The following EVPLL variants were observed in gnomAD, a reference collection of about 807,000 sequenced individuals.
The protein encoded by EVPLL is envoplakin like, also known as envoplakin-like protein.
Under a neutral mutation model 46.2 loss-of-function variants are expected in EVPLL, and 39 were observed. The observed-to-expected ratio is 0.84, with a 90% confidence interval of 0.65 to 1.10. The LOEUF is 1.10. EVPLL is among the 50% of genes least tolerant of loss of function. The probability of loss-of-function intolerance (pLI) is 0.00; values close to 1 mark genes in which losing one functional copy is unlikely to be tolerated. For missense variants in EVPLL, 385 were observed against 412.6 expected (o/e 0.93, Z 0.58); for synonymous variants, 156 against 165.8 (o/e 0.94, Z 0.46).
Position 18,383,263 on chromosome 17 carries a change from GC to G in EVPLL, c.673-3del. ...CTCACCGCCGCTCCCCACCCGACTC[GC>G]CCCCAGCACTTCAAGCAGCACGAGC... On this transcript the variant is annotated splice_region_variant and splice_polypyrimidine_tract_variant and intron_variant, in intron 7 of 10. Transcript: ENST00000399134. 2 of 1,575,016 alleles carry G rather than the reference GC, an allele frequency of 1.3e-6. No homozygotes were observed.
intron 9 of EVPLL, among the ~76,000 whole-genome samples, chr17:18,387,146 G>A (rs1184303630): frequency 2.0e-5 from 3 of 149,906 alleles, no homozygotes; most frequent in East Asian, 1.9e-4. Context: ...TGATCTGCCC[G>A]CCTCGGCCTC....
Position 18,377,964 on chromosome 17 carries a change from T to TC in EVPLL, c.-51dup. On this transcript the variant is annotated 5_prime_UTR_variant, in exon 1 of 11. The change abolishes the stop of an existing upstream ORF in the 5' untranslated region. Coordinates refer to ENST00000399134, the MANE Select transcript of EVPLL (RefSeq NM_001145127.2). ...CCCAGCCAAGGGGTCCCCCAAAGGC[T>TC]CCCCCAGCAAGCACAGCTGGTGAGT... 2.0e-6 allele frequency: 2 copies of TC among 1,025,466 alleles called. No individual in the cohort carries two copies. The highest frequency in any genetic ancestry group is 2.7e-6 in the Non-Finnish European group (2 of 735,636). 63.5% of individuals were successfully genotyped at this position (1,025,466 alleles called of 1,614,324 possible). A position where few individuals can be genotyped will look rare whatever the true frequency, so the allele number is the denominator to read the frequency against.
At chr17:18,382,890 G>C (rs1414998155) in intron 6 of EVPLL, 26 bp downstream of exon 6, 2 of 1,596,530 alleles carry the variant, frequency 1.3e-6, no homozygotes, top group African/African-American at 2.7e-5. Context: ...GGTCGGGCAG[G>C]GTGGCTGCAG....
In EVPLL at chr17:18,382,504, C is replaced by T. The variant is rs1987612319; in HGVS notation, c.347-9C>T. On this transcript the variant is annotated splice_polypyrimidine_tract_variant and intron_variant, in intron 4 of 10. Transcript: ENST00000399134. ...TCCTGTGGTGACTGAGCCGCCGGCT[C>T]TCCTGCAGAAGCTGGTCTGCGCAGG... 6.4e-7 allele frequency: 1 copy of T among 1,551,570 alleles called. No individual in the cohort carries two copies. Among genetic ancestry groups the T allele is most frequent in the Non-Finnish European group, 8.7e-7 (1 of 1,146,924 alleles).
chr17:18,379,558 G>T (rs1469653185), intron 1 of EVPLL, among the ~76,000 whole-genome samples: 1 of 152,188 alleles, frequency 6.6e-6, no homozygotes, highest in African/African-American at 2.4e-5. Flanking sequence ...CCACTGTCCA[G>T]GCAGGCTCCC....
At chr17:18,380,801 G>C (rs899845641) in intron 1 of EVPLL, 101 bp from the exon 2 acceptor site, 1 of 975,314 alleles carries the variant, frequency 1.0e-6, no homozygotes. Context: ...GCTAGGCTGT[G>C]GGGGCGGGAT....
intron 4 of EVPLL, chr17:18,382,181 G>A (rs538802619): frequency 5.7e-6 from 2 of 352,066 alleles, no homozygotes; most frequent in East Asian, 1.2e-4. Context: ...GCGTTCTGAG[G>A]GCCCTAGAGC....
At chr17:18,386,894 A>T (rs1447639850) in intron 9 of EVPLL, among the ~76,000 whole-genome samples, 2 of 127,104 alleles carry the variant, frequency 1.6e-5, no homozygotes, top group Non-Finnish European at 3.3e-5. Flanking sequence ...TTTTTGGTTA[A>T]TTTTTTTTTT....
chr17:18,386,345 A>G (rs756792545), intron 9 of EVPLL: 8 of 152,302 alleles, frequency 5.3e-5, no homozygotes, highest in Admixed American at 2.0e-4. Context: ...GCTGTCTCCA[A>G]ATAAGATCAC....
At chr17:18,382,731 TA>T in intron 5 of EVPLL, 93 bp downstream of exon 5, 2 of 1,558,814 alleles carry the variant, frequency 1.3e-6, no homozygotes, top group Non-Finnish European at 1.7e-6. Context: ...GCCCTGGGGA[TA>T]GGGGTGGGTG....
At position 18,382,642 on chromosome 17, in the gene EVPLL, G is replaced by T; in HGVS notation, c.472+4G>T. The T allele has an allele frequency of 6.4e-7, 1 of 1,552,092 alleles. No homozygotes were observed. The highest frequency in any genetic ancestry group is 8.7e-7 in the Non-Finnish European group (1 of 1,147,176). ...GCTGCGGAGCCTGGTGGGGCCGGTG[G>T]GTGAGCCGGGAAGATGTTACATCCG... On this transcript the variant is annotated splice_donor_region_variant and intron_variant, in intron 5 of 10. Coordinates refer to ENST00000399134, the MANE Select transcript of EVPLL (RefSeq NM_001145127.2).
At chr17:18,384,475 A>G (rs941234269) in intron 9 of EVPLL, among the ~76,000 whole-genome samples, 1 of 151,104 alleles carries the variant, frequency 6.6e-6, no homozygotes, top group Non-Finnish European at 1.5e-5. Flanking sequence ...CATGCCTGCA[A>G]TCCTACCACT....
Position 18,377,796 on chromosome 17 carries a change from G to T in EVPLL, c.-224G>T, listed in dbSNP as rs59738176. The T allele has an allele frequency of 0.017, 9,968 of 582,260 alleles. 529 individuals carry two copies. Among genetic ancestry groups the T allele is most frequent in the African/African-American group, 0.14 (7,137 of 49,562 alleles). The allele number at this position is 582,260 out of a possible 1,614,324, so 36.1% of individuals were successfully genotyped here. On this transcript the variant is annotated 5_prime_UTR_variant, in exon 1 of 11. Transcript: ENST00000399134. Reference sequence around the variant, plus strand: ...CCACCTTGCCAGACTTAGCTGACCAGCCAGCAAGGACGCCCGCTGCCTCCC... The same window carrying T: ...CCACCTTGCCAGACTTAGCTGACCATCCAGCAAGGACGCCCGCTGCCTCCC...
chr17:18,379,444 C>A (rs1987488717), intron 1 of EVPLL, among the ~76,000 whole-genome samples: 1 of 152,226 alleles, frequency 6.6e-6, no homozygotes, highest in Admixed American at 6.5e-5. Context: ...CTCCCTGGGG[C>A]ACCTGAGCCC....
rs1224227572 is a variant in EVPLL at position 18,383,120 on chromosome 17, C to T, written c.607C>T (p.Arg203Cys). Residue 203 changes from arginine to cysteine, a missense_variant, in exon 7 of 11, where the codon CGC becomes TGC. Transcript: ENST00000399134. ...GAGCGCCCTGGCGGAGCAGCAGCGC[C>T]GCATCCTGCAGCAGGACTGGAGCGA... ...QLSALAEQQR[R>C]ILQQDWSDLM... 4 of 1,549,468 alleles carry T rather than the reference C, an allele frequency of 2.6e-6. No individual in the cohort carries two copies. The highest frequency in any genetic ancestry group is 8.7e-7 in the Non-Finnish European group (1 of 1,153,632).
Position 18,383,482 on chromosome 17 carries a change from C to G in EVPLL, c.781-10C>G. The G allele has an allele frequency of 6.4e-7, 1 of 1,566,102 alleles. No individual in the cohort carries two copies. The highest frequency in any genetic ancestry group is 2.3e-5 in the East Asian group (1 of 42,698). ...GGCGTGGTCCGAGGGCTCCGTGCTGCGGTACCCAGGCCCACCAGGAGGCCC... is the reference window on the plus strand; with the variant it reads ...GGCGTGGTCCGAGGGCTCCGTGCTGGGGTACCCAGGCCCACCAGGAGGCCC... On this transcript the variant is annotated splice_polypyrimidine_tract_variant and intron_variant, in intron 8 of 10. Transcript: ENST00000399134.
In EVPLL at chr17:18,382,781, G is replaced by A. The variant is rs760326782; in HGVS notation, c.473-45G>A. 2.5e-6 allele frequency: 4 copies of A among 1,599,358 alleles called. No homozygotes were observed. In the South Asian group the frequency reaches 4.5e-5, roughly 18 times the overall value. On this transcript the variant is annotated intron_variant, in intron 5 of 10. Transcript: ENST00000399134. Reference sequence around the variant, plus strand: ...CCAGATCTTAGGGGGCCGTCTCCCTGTGCCCCACCTCTCACGGGCTTGTTT... The same window carrying A: ...CCAGATCTTAGGGGGCCGTCTCCCTATGCCCCACCTCTCACGGGCTTGTTT...
Position 18,381,126 on chromosome 17 carries a change from T to C in EVPLL, c.63+126T>C, listed in dbSNP as rs1598094959. 2 of 1,262,070 alleles carry C rather than the reference T, an allele frequency of 1.6e-6. No individual in the cohort carries two copies. The highest frequency in any genetic ancestry group is 5.1e-5 in the East Asian group (2 of 39,280). The allele number at this position is 1,262,070 out of a possible 1,614,324, so 78.2% of individuals were successfully genotyped here. A position where few individuals can be genotyped will look rare whatever the true frequency, so the allele number is the denominator to read the frequency against. On this transcript the variant is annotated intron_variant, in intron 2 of 10. Transcript: ENST00000399134. The surrounding 1 kb of genome is among the most constrained non-coding windows in gnomAD (Gnocchi z 4.2). ...AAGATGGGACAGATGACATTTGTCC[T>C]GCACCGCCTGTCCCCTAACACACGG...
chr17:18,387,679 C>T (rs2461847), intron 9 of EVPLL, among the ~76,000 whole-genome samples: 91,210 of 151,712 alleles, frequency 0.6, 28,090 homozygotes, highest in African/African-American at 0.68. Flanking sequence ...CCTGCCTGAC[C>T]TCATGACAAC....
Sources: allele counts gnomAD v4.1 joint callset (sites outside exome capture counted in the v4.1 genomes callset), GRCh38; gene constraint gnomAD v4.1.1; non-coding constraint Gnocchi (gnomAD v3.1); transcripts MANE v1.5; gene names NCBI Gene and HGNC (gene_info 2026-07-23, HGNC 2026-07-21).